Variants in TNKS observed in about 807,000 individuals in gnomAD.
The protein encoded by TNKS is tankyrase.
A neutral mutation model predicts 135.8 loss-of-function variants in TNKS; 72 were observed. The observed-to-expected ratio is 0.53, with a 90% CI of 0.44 to 0.64. The LOEUF (loss-of-function observed/expected upper bound fraction) is 0.64, where lower values mean the gene tolerates loss of function less well. TNKS is among the 30% of genes least tolerant of loss of function. TNKS has a pLI of 0.00. For missense variants in TNKS, 1,769 were observed against 1,674.0 expected (o/e 1.06, Z -0.99); for synonymous variants, 849 against 649.3 (o/e 1.31, Z -4.68).
chr8:9,620,354 AG>A (rs1799819271), intron 3 of TNKS, among the ~76,000 whole-genome samples: 2 of 152,146 alleles, frequency 1.3e-5, no homozygotes, highest in Non-Finnish European at 2.9e-5. Context: ...TCACTGCTTT[AG>A]CCCTGGGCCA....
intron 5 of TNKS, among the ~76,000 whole-genome samples, chr8:9,696,952 T>C (rs1803543078): frequency 6.6e-6 from 1 of 152,000 alleles, no homozygotes; most frequent in Admixed American, 6.5e-5. Flanking sequence ...AAAAAACTAT[T>C]CTAAAAATCA....
At chr8:9,586,904 TG>T in intron 2 of TNKS, among the ~76,000 whole-genome samples, 1 of 152,164 alleles carries the variant, frequency 6.6e-6, no homozygotes, top group East Asian at 1.9e-4. Context: ...CGAAGAACAA[TG>T]AAACAGGAGT....
At chr8:9,742,598 C>T (rs896860413) in intron 17 of TNKS, among the ~76,000 whole-genome samples, 1 of 151,588 alleles carries the variant, frequency 6.6e-6, no homozygotes, top group Non-Finnish European at 1.5e-5. Context: ...TGGCTCACTT[C>T]TGCAATCTCA....
intron 1 of TNKS, chr8:9,566,161 T>G (rs1257234305): frequency 6.6e-6 from 1 of 152,174 alleles, no homozygotes; most frequent in Non-Finnish European, 1.5e-5. Flanking sequence ...AAATTTGGTA[T>G]TTTCAAAAGA....
intron 11 of TNKS, among the ~76,000 whole-genome samples, chr8:9,710,687 G>A (rs1467541901): frequency 1.3e-5 from 2 of 152,152 alleles, no homozygotes; most frequent in Non-Finnish European, 2.9e-5. Flanking sequence ...ACGAGGTCAG[G>A]AGATGGAGAC....
chr8:9,555,919 C>G lies in TNKS; in HGVS notation c.-21C>G. On this transcript the variant is annotated 5_prime_UTR_variant, in exon 1 of 27. Coordinates refer to ENST00000310430, the MANE Select transcript of TNKS (RefSeq NM_003747.3). ...GCGGTGGGGGCCGTTGCCGCAGTGA[C>G]AGTGCTAGGGGAGTCCGAAGATGGC... 1 of 1,578,434 alleles carries G rather than the reference C, an allele frequency of 6.3e-7. No homozygotes were observed. Among genetic ancestry groups the G allele is most frequent in the Non-Finnish European group, 8.6e-7 (1 of 1,165,962 alleles).
At chr8:9,638,173 C>G (rs564776346) in intron 3 of TNKS, among the ~76,000 whole-genome samples, 3 of 152,112 alleles carry the variant, frequency 2.0e-5, no homozygotes, top group Non-Finnish European at 2.9e-5. Flanking sequence ...TAGGGTCTTG[C>G]TATGTTGCTT....
rs1472943835 is a variant in TNKS, at chr8:9,763,176, G to A, written c.3304G>A (p.Val1102Ile). The change falls in exon 22 of 27, where the codon GTT (valine) becomes ATT (isoleucine). Residue 1102 changes from valine to isoleucine, a missense_variant. By Grantham distance (29) the Val-to-Ile change is conservative. Transcript: ENST00000310430. ...GTNPYLTFHC[V>I]NQGTILLDLA... ...CAATCCTTATTTGACTTTTCACTGT[G>A]TTAATCAGGGAACGATTTTGCTGGA... 2 of 1,597,128 alleles carry A rather than the reference G, an allele frequency of 1.3e-6. No individual in the cohort carries two copies. Among genetic ancestry groups the A allele is most frequent in the Admixed American group, 3.4e-5 (2 of 58,692 alleles).
chr8:9,646,929 AG>A (rs1563139835), intron 3 of TNKS, among the ~76,000 whole-genome samples: 1 of 152,100 alleles, frequency 6.6e-6, no homozygotes, highest in Non-Finnish European at 1.5e-5. Flanking sequence ...AACTGTCTTT[AG>A]AAAAAGAAAA....
At chr8:9,708,581 C>T in intron 9 of TNKS, 89 bp downstream of exon 9, 1 of 1,262,422 alleles carries the variant, frequency 7.9e-7, no homozygotes, top group Non-Finnish European at 1.0e-6. Context: ...CTTAAAGTAA[C>T]TTTAGTATCT....
intron 2 of TNKS, among the ~76,000 whole-genome samples, chr8:9,608,090 G>A (rs985443989): frequency 2.0e-5 from 3 of 152,104 alleles, no homozygotes; most frequent in African/African-American, 7.2e-5. Context: ...ACAGGTGCGT[G>A]CCATCACGCC....
chr8:9,723,123 A>G (rs978203940), intron 12 of TNKS, among the ~76,000 whole-genome samples: 1 of 149,966 alleles, frequency 6.7e-6, no homozygotes, highest in Non-Finnish European at 1.5e-5. Flanking sequence ...CAAATAAAAA[A>G]TATATATAGG....
intron 5 of TNKS, among the ~76,000 whole-genome samples, chr8:9,702,464 C>G (rs1294049259): frequency 6.6e-6 from 1 of 152,098 alleles, no homozygotes; most frequent in South Asian, 2.1e-4. Context: ...ATAAGGGTAA[C>G]AGATTTCTAG....
intron 2 of TNKS, among the ~76,000 whole-genome samples, chr8:9,611,157 C>T (rs985882315): frequency 1.2e-4 from 19 of 152,098 alleles, no homozygotes; most frequent in African/African-American, 4.6e-4. Context: ...TTTCTCCGCC[C>T]GTCTTACCTC....
chr8:9,769,630 T>TTTTG (rs1807690325), intron 25 of TNKS, among the ~76,000 whole-genome samples: 2 of 140,852 alleles, frequency 1.4e-5, no homozygotes, highest in African/African-American at 5.4e-5. Context: ...TTTTTTTTTT[T>TTTTG]TTTTTTTGAG....
At position 9,778,242 on chromosome 8, in the gene TNKS, T is replaced by A. The variant is rs1231930373; in HGVS notation, c.*1506T>A. 1.3e-5 allele frequency: 2 copies of A among 152,462 alleles called. No individual in the cohort carries two copies. Among genetic ancestry groups the A allele is most frequent in the South Asian group, 2.1e-4 (1 of 4,830 alleles). 9.4% of individuals were successfully genotyped at this position (152,462 alleles called of 1,614,324 possible). ...ACTTATTTACTTGATATACTGTGCA[T>A]CTACTCTGCTTTGAAGCGAAAGAAA... On this transcript the variant is annotated 3_prime_UTR_variant, in exon 27 of 27. Coordinates refer to ENST00000310430, the MANE Select transcript of TNKS (RefSeq NM_003747.3).
chr8:9,602,663 A>G (rs1223030997), intron 2 of TNKS, among the ~76,000 whole-genome samples: 2 of 152,260 alleles, frequency 1.3e-5, no homozygotes, highest in South Asian at 4.1e-4. Flanking sequence ...TGGAGACTCT[A>G]TATTTTAGAG....
intron 25 of TNKS, among the ~76,000 whole-genome samples, chr8:9,768,106 T>C (rs1807576525): frequency 6.6e-6 from 1 of 152,036 alleles, no homozygotes; most frequent in South Asian, 2.1e-4. Flanking sequence ...AAAGTGAACC[T>C]CAATGAAAAT....
At chr8:9,556,777 T>G (rs1585161954) in intron 1 of TNKS, 165 bp downstream of exon 1, 4 of 489,534 alleles carry the variant, frequency 8.2e-6, no homozygotes, top group Admixed American at 3.7e-5. Context: ...GGTGCCTGGG[T>G]GATGGGGGCG....
Sources: gnomAD v4.1 joint callset for allele counts (sites outside exome capture counted in the v4.1 genomes callset) on GRCh38, gnomAD v4.1.1 for gene constraint, MANE v1.5 for transcripts, NCBI Gene and HGNC (gene_info 2026-07-23, HGNC 2026-07-21) for gene names.